Variants in IVD observed in about 807,000 individuals in gnomAD.
IVD encodes isovaleryl-CoA dehydrogenase.
In IVD, 31 loss-of-function variants were observed where a neutral mutation model predicts 51.3. That is an observed-to-expected ratio of 0.60 (90% confidence interval 0.45 to 0.81). The LOEUF is 0.81. Ranked by LOEUF, IVD falls within the 40% of genes least tolerant of loss-of-function variation. IVD has a pLI of 0.00. For synonymous variants in IVD, 205 were observed against 219.4 expected (o/e 0.93, Z 0.58); for missense variants, 475 against 552.0 (o/e 0.86, Z 1.40).
chr15:40,406,162 C>T (rs746159020), intron 1 of IVD, 191 bp downstream of exon 1: 47 of 1,538,798 alleles, frequency 3.1e-5, no homozygotes, highest in Non-Finnish European at 3.6e-5. Flanking sequence ...TGACCTCGGC[C>T]TCACGTCTGT....
chr15:40,418,216 G>C lies in IVD; in HGVS notation c.1225G>C (p.Val409Leu), dbSNP rs763727711. The C allele has an allele frequency of 2.5e-6, 4 of 1,614,232 alleles. No individual in the cohort carries two copies. Among genetic ancestry groups the C allele is most frequent in the Non-Finnish European group, 3.4e-6 (4 of 1,180,048 alleles). The change falls in exon 12 of 12, where the codon GTG becomes CTG. Residue 409 changes from valine (V) to leucine (L), a missense_variant. Val to Leu is a conservative substitution (Grantham distance 32). Transcript: ENST00000487418. ...TGAGATAGGGGCTGGGACCAGCGAG[G>C]TGAGGCGGCTGGTCATCGGCAGAGC... is the stretch of plus-strand genomic sequence containing the variant. ...LYEIGAGTSE[V>L]RRLVIGRAFN...
chr15:40,430,925 G>C (rs958367619), intron 7 of IVD, among the ~76,000 whole-genome samples: 1 of 152,184 alleles, frequency 6.6e-6, no homozygotes, highest in Admixed American at 6.5e-5. Flanking sequence ...CAATCGACTT[G>C]CAACATTTTG....
chr15:40,417,045 CA>C (rs1010183038), intron 11 of IVD, among the ~76,000 whole-genome samples: 2 of 149,588 alleles, frequency 1.3e-5, no homozygotes, highest in East Asian at 2.0e-4. Flanking sequence ...ACTAAAAATA[CA>C]AAAAAAAATT....
In IVD at chr15:40,416,272, C is replaced by G; in HGVS notation, c.1066-18C>G. The G allele has an allele frequency of 1.2e-6, 2 of 1,614,176 alleles. No homozygotes were observed. The highest frequency in any genetic ancestry group is 2.2e-5 in the South Asian group (2 of 91,078). On this transcript the variant is annotated intron_variant, in intron 10 of 11. Coordinates refer to ENST00000487418, the MANE Select transcript of IVD (RefSeq NM_002225.5). ...GCGTGCCTCGCAGGGCCCTGCTGAC[C>G]CCAGCTTCCTCCCGTAGGACTGTGC...
chr15:40,421,846 G>C (rs1461978496), downstream of IVD, among the ~76,000 whole-genome samples: 1 of 152,170 alleles, frequency 6.6e-6, no homozygotes, highest in South Asian at 2.1e-4. Flanking sequence ...TCAGAAGACC[G>C]GTAAGGTGAG....
At chr15:40,410,829 C>G in intron 4 of IVD, 32 bp downstream of exon 4, 2 of 1,611,304 alleles carry the variant, frequency 1.2e-6, no homozygotes, top group Non-Finnish European at 1.7e-6. Flanking sequence ...ACACGCTAAT[C>G]TCACAGTGCA....
chr15:40,435,387 A>C, intron 8 of IVD: 1 of 1,060,016 alleles, frequency 9.4e-7, no homozygotes, highest in South Asian at 2.4e-5. Flanking sequence ...GGTTGTGGAC[A>C]GCGCTAAAAG....
downstream of IVD, among the ~76,000 whole-genome samples, chr15:40,421,733 T>C (rs1439853970): frequency 1.3e-5 from 2 of 152,168 alleles, no homozygotes; most frequent in Non-Finnish European, 2.9e-5. Flanking sequence ...ATCCATATAA[T>C]CTAGTGATAA....
At chr15:40,429,111 T>C (rs949422290), downstream of IVD, among the ~76,000 whole-genome samples, 2 of 152,136 alleles carry the variant, frequency 1.3e-5, no homozygotes, top group African/African-American at 4.8e-5. Context: ...ATACAACTCA[T>C]TTCCCTGCTG....
chr15:40,424,170 G>A (rs1046868207), downstream of IVD: 7 of 1,288,136 alleles, frequency 5.4e-6, no homozygotes, highest in Non-Finnish European at 6.1e-6. Context: ...CACTGAACCA[G>A]TGAACTATCA....
At chr15:40,431,140 T>G (rs1171015074) in intron 7 of IVD, among the ~76,000 whole-genome samples, 3 of 151,948 alleles carry the variant, frequency 2.0e-5, no homozygotes, top group Admixed American at 6.5e-5. Context: ...TTTTTTTTTT[T>G]TGTCTTTTTT....
chr15:40,411,804 C>A, intron 6 of IVD, 113 bp downstream of exon 6: 1 of 1,322,970 alleles, frequency 7.6e-7, no homozygotes, highest in Non-Finnish European at 1.1e-6. Flanking sequence ...TGCAAGGCCC[C>A]CAGAGGTGGG....
At chr15:40,416,968 G>A (rs1206607225) in intron 11 of IVD, among the ~76,000 whole-genome samples, 1 of 152,016 alleles carries the variant, frequency 6.6e-6, no homozygotes, top group African/African-American at 2.4e-5. Flanking sequence ...AGGAGACTGA[G>A]GCCAGTGAAT....
chr15:40,429,401 C>T (rs533490685), downstream of IVD, among the ~76,000 whole-genome samples: 12 of 152,304 alleles, frequency 7.9e-5, no homozygotes, highest in African/African-American at 2.4e-4. Flanking sequence ...AAAAAGTTTA[C>T]GAGTTAGTTG....
chr15:40,416,881 C>T (rs890436263), intron 11 of IVD, among the ~76,000 whole-genome samples: 6 of 152,106 alleles, frequency 3.9e-5, no homozygotes, highest in Admixed American at 2.0e-4. Context: ...TCATCCTCCC[C>T]GCCTCATAGA....
At chr15:40,414,804 G>C in intron 7 of IVD, 85 bp from the exon 8 acceptor site, 1 of 1,579,084 alleles carries the variant, frequency 6.3e-7, no homozygotes. Flanking sequence ...TTACTTGAGA[G>C]CCATGTTTCC....
In IVD at chr15:40,407,626, C is replaced by G. The variant is rs1451681639; in HGVS notation, c.145-10C>G. On this transcript the variant is annotated splice_polypyrimidine_tract_variant and intron_variant, in intron 1 of 11. Transcript: ENST00000487418. The stretch of plus-strand genomic sequence containing the variant: ...TCTGCAGTGGCATCTGTTTACCTCT[C>G]TCCTATTAGCTTCGTCAGACCATGG... 3 of 1,610,600 alleles carry G rather than the reference C, an allele frequency of 1.9e-6. No individual in the cohort carries two copies. Among genetic ancestry groups the G allele is most frequent in the Middle Eastern group, 1.6e-4 (1 of 6,074 alleles).
chr15:40,416,692 G>A (rs1328938096), intron 11 of IVD, among the ~76,000 whole-genome samples: 2 of 151,902 alleles, frequency 1.3e-5, no homozygotes, highest in African/African-American at 4.8e-5. Context: ...GCGAGAGGCT[G>A]TCTCAAAAAA....
intron 1 of IVD, among the ~76,000 whole-genome samples, chr15:40,407,021 G>A (rs537092092): frequency 1.1e-3 from 169 of 152,134 alleles, no homozygotes; most frequent in Non-Finnish European, 1.9e-3. Flanking sequence ...GCACCACCAC[G>A]CCCGGCTAAT....
Sources: allele counts gnomAD v4.1 joint callset (sites outside exome capture counted in the v4.1 genomes callset), GRCh38; gene constraint gnomAD v4.1.1; transcripts MANE v1.5; gene names NCBI Gene and HGNC (gene_info 2026-07-23, HGNC 2026-07-21).